Variants in TMEM132B observed in about 807,000 individuals in gnomAD.
The protein encoded by TMEM132B is transmembrane protein 132B.
Under a neutral mutation model 90.8 loss-of-function variants are expected in TMEM132B, and 18 were observed. The ratio of observed to expected loss-of-function variants is 0.20; its 90% CI spans 0.14 to 0.29. The LOEUF is 0.29. Among genes scored for constraint, TMEM132B ranks in the 10% least tolerant of loss-of-function variants. TMEM132B has a pLI of 1.00. For synonymous variants in TMEM132B, 504 were observed against 523.3 expected, an observed-to-expected ratio of 0.96 and a Z score of 0.50; for missense variants, 1,096 against 1,326.8, an observed-to-expected ratio of 0.83 and a Z score of 2.70.
chr12:125,494,591 C>T (rs1592954462), intron 3 of TMEM132B, among the ~76,000 whole-genome samples: 1 of 131,930 alleles, frequency 7.6e-6, no homozygotes, highest in African/African-American at 2.9e-5. Flanking sequence ...CCTCCTCCCC[C>T]TCCTCCCTGA....
chr12:125,610,177 G>A (rs762540825), intron 5 of TMEM132B, among the ~76,000 whole-genome samples: 1 of 152,066 alleles, frequency 6.6e-6, no homozygotes, highest in Non-Finnish European at 1.5e-5. Context: ...CATGTCGTAT[G>A]TAATGAGAGA....
chr12:125,602,289 G>C (rs927976072), intron 5 of TMEM132B, among the ~76,000 whole-genome samples: 2 of 152,116 alleles, frequency 1.3e-5, no homozygotes, highest in Non-Finnish European at 2.9e-5. Context: ...TTCATCCTTG[G>C]GATGCAAGGC....
chr12:125,458,647 C>T lies in TMEM132B; in HGVS notation c.1106+42970C>T, dbSNP rs748331296. 4.6e-5 allele frequency among the ~76,000 whole-genome samples: 7 copies of T among 152,128 alleles called. No homozygotes were observed. Among genetic ancestry groups the T allele is most frequent in the Non-Finnish European group, 7.4e-5 (5 of 68,020 alleles). ...CCTGGAAATGAGACTCACATCCATG[C>T]GGCCAGCGTCCGTGTCCCCTGCCTC... On this transcript the variant is annotated intron_variant, in intron 3 of 8. Coordinates refer to ENST00000682704, the MANE Select transcript of TMEM132B (RefSeq NM_001366854.1). The surrounding 1 kb of genome is among the most constrained non-coding windows in gnomAD (Gnocchi z 4.9).
At chr12:125,568,846 CTATGACGTGGTACAA>C (rs1364436994) in intron 4 of TMEM132B, among the ~76,000 whole-genome samples, 2 of 152,194 alleles carry the variant, frequency 1.3e-5, no homozygotes, top group Admixed American at 1.3e-4. Flanking sequence ...GCAAAATTTA[CTATGACGTGGTACAA>C]TTCTACTCTG....
At chr12:125,475,578 T>A (rs1327302589) in intron 3 of TMEM132B, among the ~76,000 whole-genome samples, 1 of 152,192 alleles carries the variant, frequency 6.6e-6, no homozygotes, top group Non-Finnish European at 1.5e-5. Context: ...CTAGACTGGC[T>A]TAACCTCCCA....
At chr12:125,612,402 G>A (rs948999141) in intron 5 of TMEM132B, among the ~76,000 whole-genome samples, 8 of 151,688 alleles carry the variant, frequency 5.3e-5, no homozygotes, top group Non-Finnish European at 1.2e-4. Flanking sequence ...GGTGGAGGTT[G>A]CAGTGAGCTG....
chr12:125,252,417 C>T (rs1874337959), intron 1 of TMEM132B, among the ~76,000 whole-genome samples: 1 of 152,202 alleles, frequency 6.6e-6, no homozygotes, highest in Non-Finnish European at 1.5e-5. Flanking sequence ...CCTGCACTCG[C>T]TGTCTCTGGT....
intron 4 of TMEM132B, among the ~76,000 whole-genome samples, chr12:125,524,647 G>T (rs1883398792): frequency 6.6e-6 from 1 of 152,244 alleles, no homozygotes; most frequent in Admixed American, 6.5e-5. Context: ...ACTCAATAAT[G>T]TTGAGCTGTT....
At chr12:125,636,279 T>C (rs1886476687) in intron 5 of TMEM132B, among the ~76,000 whole-genome samples, 1 of 152,188 alleles carries the variant, frequency 6.6e-6, no homozygotes. Flanking sequence ...CAGTGCACCA[T>C]CGGCTTGAAA....
intron 1 of TMEM132B, among the ~76,000 whole-genome samples, chr12:125,318,671 T>C (rs1876348023): frequency 6.6e-6 from 1 of 152,228 alleles, no homozygotes; most frequent in Non-Finnish European, 1.5e-5. Context: ...TCCAGCTCCA[T>C]CCATATCCCT....
At chr12:125,630,463 T>C (rs1886340119) in intron 5 of TMEM132B, among the ~76,000 whole-genome samples, 1 of 152,156 alleles carries the variant, frequency 6.6e-6, no homozygotes. Flanking sequence ...CCTTTGAATA[T>C]CTGCAGTATC....
Position 125,653,695 on chromosome 12 carries a change from T to C in TMEM132B, c.2237T>C (p.Leu746Pro). ...DEMVVSVQANLESKWPIVVAE... is the reference protein window; with the variant it reads ...DEMVVSVQANPESKWPIVVAE... Reference sequence around the variant, plus strand: ...ATGGTGGTGTCTGTCCAGGCAAACCTTGAGTCCAAATGGCCAATTGTGGTT... The same window carrying C: ...ATGGTGGTGTCTGTCCAGGCAAACCCTGAGTCCAAATGGCCAATTGTGGTT... The change falls in exon 9 of 9, where the codon CTT (leucine) becomes CCT (proline). Residue 746 changes from leucine to proline, a missense_variant. By Grantham distance (98) the Leu-to-Pro change is moderately conservative. Coordinates refer to ENST00000682704, the MANE Select transcript of TMEM132B (RefSeq NM_001366854.1). The C allele has an allele frequency of 1.2e-6, 2 of 1,614,158 alleles. No homozygotes were observed. Among genetic ancestry groups the C allele is most frequent in the Non-Finnish European group, 8.5e-7 (1 of 1,180,032 alleles).
At chr12:125,222,584 A>G (rs1026007192) in intron 1 of TMEM132B, among the ~76,000 whole-genome samples, 2 of 152,244 alleles carry the variant, frequency 1.3e-5, no homozygotes, top group Non-Finnish European at 2.9e-5. Context: ...ATGTCCAAAC[A>G]TGAAAATACT....
At chr12:125,399,366 G>A (rs1879246956) in intron 2 of TMEM132B, among the ~76,000 whole-genome samples, 1 of 152,136 alleles carries the variant, frequency 6.6e-6, no homozygotes, top group South Asian at 2.1e-4. Context: ...CGTAGGCTGG[G>A]TCCACTTATT....
intron 3 of TMEM132B, among the ~76,000 whole-genome samples, chr12:125,446,698 C>T (rs1881014740): frequency 6.6e-6 from 1 of 152,188 alleles, no homozygotes; most frequent in South Asian, 2.1e-4. Flanking sequence ...TCTTTGTCCT[C>T]TCCAGTTCAA....
chr12:125,295,538 G>GAGAGAGACAGAGAC (rs1445138028), intron 1 of TMEM132B, among the ~76,000 whole-genome samples: 1 of 148,942 alleles, frequency 6.7e-6, no homozygotes, highest in Non-Finnish European at 1.5e-5. Flanking sequence ...GAGAGAGAGA[G>GAGAGAGACAGAGAC]AGAGACAGAG....
chr12:125,575,624 C>A (rs1250544367), intron 4 of TMEM132B, among the ~76,000 whole-genome samples: 1 of 151,744 alleles, frequency 6.6e-6, no homozygotes, highest in African/African-American at 2.4e-5. Flanking sequence ...CATATCTAAG[C>A]AATATTTGCT....
intron 1 of TMEM132B, among the ~76,000 whole-genome samples, chr12:125,336,909 AAC>A (rs1175162207): frequency 6.6e-6 from 1 of 152,210 alleles, no homozygotes; most frequent in Non-Finnish European, 1.5e-5. Flanking sequence ...CTCTTATTTA[AAC>A]AGTCTCCAAG....
intron 4 of TMEM132B, among the ~76,000 whole-genome samples, chr12:125,565,039 AT>A (rs1884627631): frequency 6.6e-6 from 1 of 152,166 alleles, no homozygotes; most frequent in Non-Finnish European, 1.5e-5. Flanking sequence ...GGGGCCAGGC[AT>A]TGTTCCAAGT....
Sources: allele counts gnomAD v4.1 joint callset (sites outside exome capture counted in the v4.1 genomes callset), GRCh38; gene constraint gnomAD v4.1.1; non-coding constraint Gnocchi (gnomAD v3.1); transcripts MANE v1.5; gene names NCBI Gene and HGNC (gene_info 2026-07-23, HGNC 2026-07-21).